The following DOT1L variants were observed in gnomAD, a reference collection of about 807,000 sequenced individuals.
The protein encoded by DOT1L is histone-lysine N-methyltransferase, H3 lysine-79 specific.
A neutral mutation model predicts 153.3 loss-of-function variants in DOT1L; 33 were observed. The ratio of observed to expected loss-of-function variants is 0.22; its 90% CI spans 0.16 to 0.29. The LOEUF is 0.29. Ranked by LOEUF, DOT1L falls within the 10% of genes least tolerant of loss-of-function variation. The pLI, the probability that DOT1L is intolerant of heterozygous loss-of-function variation, is 1.00. For missense variants in DOT1L, 1,847 were observed against 2,119.9 expected, an observed-to-expected ratio of 0.87 and a Z score of 2.53; for synonymous variants, 1,135 against 965.1, an observed-to-expected ratio of 1.18 and a Z score of -3.26.
At chr19:2,205,056 C>T (rs953509778) in intron 9 of DOT1L, among the ~76,000 whole-genome samples, 3 of 152,044 alleles carry the variant, frequency 2.0e-5, no homozygotes, top group Non-Finnish European at 4.4e-5. Context: ...CTGCAAGCTC[C>T]GCCTCCCAGG....
chr19:2,225,630 T>G (rs1473257087), intron 26 of DOT1L, among the ~76,000 whole-genome samples, 178 bp downstream of exon 26: 1 of 151,406 alleles, frequency 6.6e-6, no homozygotes, highest in Non-Finnish European at 1.5e-5. Context: ...GCGCCGACAC[T>G]GGGGGCGCTG....
At chr19:2,203,735 AT>A (rs2023384250) in intron 9 of DOT1L, among the ~76,000 whole-genome samples, 1 of 152,108 alleles carries the variant, frequency 6.6e-6, no homozygotes, top group African/African-American at 2.4e-5. Context: ...TGAGCCTGCC[AT>A]TGTCTCCCAG....
At chr19:2,189,679 G>C (rs1285548326) in intron 3 of DOT1L, 53 bp from the exon 4 acceptor site, 5 of 1,594,450 alleles carry the variant, frequency 3.1e-6, no homozygotes, top group Non-Finnish European at 4.3e-6. Context: ...CCCCTCCCAT[G>C]CATGCGGCTG....
In DOT1L at chr19:2,193,791, G is replaced by C. The variant is rs1425149806; in HGVS notation, c.588+8G>C. On this transcript the variant is annotated splice_region_variant and intron_variant, in intron 6 of 27. Coordinates refer to ENST00000398665, the MANE Select transcript of DOT1L (RefSeq NM_032482.3). This position sits in a 1 kb window ranked among gnomAD's most constrained non-coding sequence, Gnocchi z 5.9. ...CCGGCCAAGTATGCGGAGGTGAGCG[G>C]ATCTGAGGGCCAGGGTGTGTTGGAG... 1.2e-6 allele frequency: 2 copies of C among 1,612,790 alleles called. No individual in the cohort carries two copies. The highest frequency in any genetic ancestry group is 2.7e-5 in the African/African-American group (2 of 74,922).
At position 2,220,092 on chromosome 19, in the gene DOT1L, G is replaced by C; in HGVS notation, c.2692-16G>C. The C allele has an allele frequency of 6.3e-7, 1 of 1,592,894 alleles. No homozygotes were observed. The highest frequency in any genetic ancestry group is 1.7e-4 in the Middle Eastern group (1 of 5,954). On this transcript the variant is annotated splice_polypyrimidine_tract_variant and intron_variant, in intron 22 of 27. Transcript: ENST00000398665. This position sits in a 1 kb window ranked among gnomAD's most constrained non-coding sequence, Gnocchi z 4.5. ...GGCACCTGCTGCCCCTGACACACAGGGTTTTCTCTCTGCAGAGGAGCACCC... is the reference window on the plus strand; with the variant it reads ...GGCACCTGCTGCCCCTGACACACAGCGTTTTCTCTCTGCAGAGGAGCACCC...
At chr19:2,164,341 C>T (rs891895394) in intron 1 of DOT1L, 76 bp downstream of exon 1, 4 of 1,064,272 alleles carry the variant, frequency 3.8e-6, no homozygotes, top group Non-Finnish European at 4.8e-6. Context: ...CCAAACCCCC[C>T]CAAGCCGCGC....
intron 8 of DOT1L, 120 bp downstream of exon 8, chr19:2,200,059 G>A (rs1313614279): frequency 8.3e-6 from 11 of 1,331,136 alleles, no homozygotes; most frequent in Non-Finnish European, 1.1e-5. Context: ...CAGGAAAGAG[G>A]CCGGTGGGGA....
rs148813117 is a variant in DOT1L, at chr19:2,222,631, T to A, written c.3390+72T>A. 1.2e-5 allele frequency: 17 copies of A among 1,402,836 alleles called. No homozygotes were observed. In the East Asian group the frequency reaches 4.2e-4, roughly 34 times the overall value. 86.9% of individuals were successfully genotyped at this position (1,402,836 alleles called of 1,614,324 possible). A position where few individuals can be genotyped will look rare whatever the true frequency, so the allele number is the denominator to read the frequency against. On this transcript the variant is annotated intron_variant, in intron 24 of 27. Coordinates refer to ENST00000398665, the MANE Select transcript of DOT1L (RefSeq NM_032482.3). This position sits in a 1 kb window ranked among gnomAD's most constrained non-coding sequence, Gnocchi z 6.5. Reference sequence around the variant, plus strand: ...AAGACCAGAGGGAGACCGGGCGCGGTGGCTCACGCCTGTAATCCCAGCATT... The same window carrying A: ...AAGACCAGAGGGAGACCGGGCGCGGAGGCTCACGCCTGTAATCCCAGCATT...
chr19:2,228,869 G>C (rs2024481836), intron 27 of DOT1L: 1 of 985,414 alleles, frequency 1.0e-6, no homozygotes, highest in Non-Finnish European at 1.2e-6. Context: ...GGATGCCTCT[G>C]GTCGGGGCTG....
At position 2,207,736 on chromosome 19, in the gene DOT1L, A is replaced by G; in HGVS notation, c.963+56A>G. 1 of 1,449,348 alleles carries G rather than the reference A, an allele frequency of 6.9e-7. No individual in the cohort carries two copies. The highest frequency in any genetic ancestry group is 9.4e-7 in the Non-Finnish European group (1 of 1,062,386). 89.8% of individuals were successfully genotyped at this position (1,449,348 alleles called of 1,614,324 possible). On this transcript the variant is annotated intron_variant, in intron 11 of 27. Coordinates refer to ENST00000398665, the MANE Select transcript of DOT1L (RefSeq NM_032482.3). The surrounding 1 kb of genome is among the most constrained non-coding windows in gnomAD (Gnocchi z 4.5). ...GCCGTCCTGGTCTTCCACCCCGCCC[A>G]CGTCACACTGCTCTCTCCTTTCTCA...
intron 1 of DOT1L, among the ~76,000 whole-genome samples, chr19:2,180,098 G>T (rs1006722362): frequency 1.3e-5 from 2 of 152,180 alleles, no homozygotes; most frequent in East Asian, 3.9e-4. Flanking sequence ...TTAGGCCAAG[G>T]ACCTTGGTTT....
chr19:2,186,138 T>C (rs1033949175), intron 3 of DOT1L, among the ~76,000 whole-genome samples: 1 of 152,260 alleles, frequency 6.6e-6, no homozygotes, highest in African/African-American at 2.4e-5. Context: ...CGGACAGAAT[T>C]GGAAACTCCG....
chr19:2,223,327 CG>C lies in DOT1L; in HGVS notation c.3439del (p.Glu1147ArgfsTer4). ...CTGGAGATTACAGCCATCTCGTCCC[CG>C]GAGACCTCCCTGAAGAGCTCCCCTG... ...QPLEITAISS[P>X]ETSLKSSPVP... On this transcript the variant is annotated frameshift_variant, in exon 25 of 28. Coordinates refer to ENST00000398665, the MANE Select transcript of DOT1L (RefSeq NM_032482.3). LOFTEE classifies it high-confidence loss of function. 1 of 1,613,706 alleles carries C rather than the reference CG, an allele frequency of 6.2e-7. No homozygotes were observed. Among genetic ancestry groups the C allele is most frequent in the Non-Finnish European group, 8.5e-7 (1 of 1,179,982 alleles).
At chr19:2,187,424 A>G (rs1447367697) in intron 3 of DOT1L, among the ~76,000 whole-genome samples, 2 of 152,220 alleles carry the variant, frequency 1.3e-5, no homozygotes, top group Non-Finnish European at 2.9e-5. Flanking sequence ...GAAGGACATC[A>G]GGGACAGGCT....
rs80021318 is a variant in DOT1L, at chr19:2,181,455, C to T, written c.125+699C>T. Among the ~76,000 whole-genome samples, 1,169 of 152,346 alleles carry T rather than the reference C, an allele frequency of 7.7e-3. 9 individuals are homozygous for T. The highest frequency in any genetic ancestry group is 0.013 in the Non-Finnish European group (893 of 68,030). ...GCCATAAGGGCCATGCTGAGCTCCT[C>T]TTGGCCGGGTGGCTCTGTGCCAGGC... On this transcript the variant is annotated intron_variant, in intron 2 of 27. Coordinates refer to ENST00000398665, the MANE Select transcript of DOT1L (RefSeq NM_032482.3).
At chr19:2,185,518 C>T (rs941481209) in intron 2 of DOT1L, among the ~76,000 whole-genome samples, 1 of 152,128 alleles carries the variant, frequency 6.6e-6, no homozygotes, top group African/African-American at 2.4e-5. Flanking sequence ...CCTGTCATCC[C>T]AGCACTGTGG....
chr19:2,210,338 C>T (rs934813254), intron 12 of DOT1L, 62 bp from the exon 13 acceptor site: 35 of 1,387,120 alleles, frequency 2.5e-5, no homozygotes, highest in South Asian at 1.6e-4. Flanking sequence ...GCGTGCCTCT[C>T]GGTGCAGGAG....
At position 2,231,009 on chromosome 19, in the gene DOT1L, C is replaced by T. The variant is rs1431431110; in HGVS notation, c.*1217C>T. ...GCCCTAGGCCCCAGGGTGACGTCGG[C>T]CCCCCACTCTGCAGCCTTGGCGGGT... On this transcript the variant is annotated 3_prime_UTR_variant, in exon 28 of 28. Coordinates refer to ENST00000398665, the MANE Select transcript of DOT1L (RefSeq NM_032482.3). 7 of 239,254 alleles carry T rather than the reference C, an allele frequency of 2.9e-5. No homozygotes were observed. The highest frequency in any genetic ancestry group is 5.7e-5 in the Non-Finnish European group (7 of 122,686). The allele number at this position is 239,254 out of a possible 1,614,324, so 14.8% of individuals were successfully genotyped here.
intron 18 of DOT1L, 48 bp downstream of exon 18, chr19:2,214,034 G>A (rs1267759511): frequency 1.9e-6 from 3 of 1,585,446 alleles, no homozygotes; most frequent in Admixed American, 1.8e-5. Flanking sequence ...GAGGGGCCCT[G>A]CCTGGGCGGG....
Sources: gnomAD v4.1 joint callset for allele counts (sites outside exome capture counted in the v4.1 genomes callset) on GRCh38, gnomAD v4.1.1 for gene constraint, Gnocchi (gnomAD v3.1) non-coding constraint, MANE v1.5 for transcripts, NCBI Gene and HGNC (gene_info 2026-07-23, HGNC 2026-07-21) for gene names.